The following ZNF280D variants were observed in gnomAD, a reference collection of about 807,000 sequenced individuals.
ZNF280D encodes the protein suppressor of hairy wing homolog 4.
ZNF280D carries 39 observed loss-of-function variants against 94.7 expected under a neutral mutation model. The observed-to-expected ratio is 0.41, with a 90% CI of 0.32 to 0.54. The LOEUF is 0.54. Among genes scored for constraint, ZNF280D ranks in the 20% least tolerant of loss-of-function variants. ZNF280D has a pLI of 0.22. For synonymous variants in ZNF280D, 398 were observed against 377.6 expected (o/e 1.05, Z -0.63); for missense variants, 1,090 against 1,149.3 (o/e 0.95, Z 0.75).
At position 56,678,659 on chromosome 15, in the gene ZNF280D, C is replaced by A; in HGVS notation, c.1162+5G>T. 6.3e-7 allele frequency: 1 copy of A among 1,574,912 alleles called. No homozygotes were observed. Among genetic ancestry groups the A allele is most frequent in the Non-Finnish European group, 8.6e-7 (1 of 1,160,770 alleles). ...ATGGAATATTTAAATGTATTGGTAACTTACTAGAAAATTCATGGGGCGTAT... is the reference window on the plus strand; with the variant it reads ...ATGGAATATTTAAATGTATTGGTAAATTACTAGAAAATTCATGGGGCGTAT... On this transcript the variant is annotated splice_donor_5th_base_variant and intron_variant, in intron 11 of 21. Transcript: ENST00000267807.
intron 1 of ZNF280D, among the ~76,000 whole-genome samples, chr15:56,728,283 G>C (rs1036636955): frequency 6.6e-6 from 1 of 152,096 alleles, no homozygotes; most frequent in Non-Finnish European, 1.5e-5. Context: ...GCCTCCCAAA[G>C]TGCTGGGATT....
In ZNF280D at chr15:56,710,097, T is replaced by C. The variant is rs181481352; in HGVS notation, c.-85-2791A>G. Among the ~76,000 whole-genome samples the C allele has an allele frequency of 3.3e-5, 5 of 152,356 alleles. No individual in the cohort carries two copies. The East Asian group carries it at 9.6e-4, about 29-fold the overall frequency. ...GACATCAAAGGCCTCAGCTCAGAGT[T>C]GGCTCTTTAAGACAGCCCGAAAAGG... On this transcript the variant is annotated intron_variant, in intron 1 of 21. Coordinates refer to ENST00000267807, the MANE Select transcript of ZNF280D (RefSeq NM_017661.4).
intron 19 of ZNF280D, chr15:56,653,920 G>T (rs2053363938): frequency 7.7e-7 from 1 of 1,291,230 alleles, no homozygotes; most frequent in African/African-American, 1.5e-5. Context: ...AAGCTGAAAA[G>T]AGCTGAATAA....
chr15:56,714,338 T>G (rs1354573351), intron 1 of ZNF280D, among the ~76,000 whole-genome samples: 3 of 152,166 alleles, frequency 2.0e-5, no homozygotes, highest in Non-Finnish European at 2.9e-5. Flanking sequence ...TTCTGAAAGA[T>G]TCTAATTTTT....
At chr15:56,668,017 G>A (rs1014865249) in intron 14 of ZNF280D, 10 of 381,672 alleles carry the variant, frequency 2.6e-5, no homozygotes, top group Non-Finnish European at 5.1e-5. Context: ...TGCATGTCTA[G>A]TCCCAACATG....
At chr15:56,688,921 ATT>A (rs1227095821) in intron 9 of ZNF280D, 118 bp downstream of exon 9, 1 of 577,318 alleles carries the variant, frequency 1.7e-6, no homozygotes, top group Non-Finnish European at 2.9e-6. Context: ...GTAAATTTTT[ATT>A]TAAATTAAAT....
chr15:56,693,141 T>C lies in ZNF280D; in HGVS notation c.456A>G (p.Thr152=). 6.2e-7 allele frequency: 1 copy of C among 1,607,180 alleles called. No homozygotes were observed. The highest frequency in any genetic ancestry group is 1.1e-5 in the South Asian group (1 of 89,264). The part of the protein sequence containing the change: ...SELLFDLTQD[T]GLSHYQGGPT... Reference sequence around the variant, plus strand: ...GTCCCCCTTGGTAATGTGATAATCCTGTATCCTGGGTCAAGTCAAACAGTA... The same window carrying C: ...GTCCCCCTTGGTAATGTGATAATCCCGTATCCTGGGTCAAGTCAAACAGTA... Residue 152 remains threonine, a synonymous_variant, in exon 7 of 22, where the codon ACA becomes ACG. Transcript: ENST00000267807.
chr15:56,728,008 G>T (rs1217466207), intron 1 of ZNF280D, among the ~76,000 whole-genome samples: 2 of 151,844 alleles, frequency 1.3e-5, no homozygotes. Context: ...TCCTTTACAA[G>T]TGTGTGCTAA....
chr15:56,687,344 T>C (rs1242925028), intron 9 of ZNF280D, among the ~76,000 whole-genome samples: 2 of 152,120 alleles, frequency 1.3e-5, no homozygotes, highest in African/African-American at 4.8e-5. Context: ...TTACAAACCA[T>C]GAAGTAACAC....
chr15:56,712,770 T>C (rs1199523789), intron 1 of ZNF280D, among the ~76,000 whole-genome samples: 41 of 145,012 alleles, frequency 2.8e-4, no homozygotes, highest in Non-Finnish European at 6.0e-5. Flanking sequence ...AGGTGGAGTC[T>C]TGCTCTGTTG....
At chr15:56,702,913 ACAC>A (rs1567008228) in intron 4 of ZNF280D, among the ~76,000 whole-genome samples, 29 of 1,898 alleles carry the variant, frequency 0.015, no homozygotes, top group Non-Finnish European at 0.11. Flanking sequence ...GTAAGTAAAC[ACAC>A]ACACACACAC....
Position 56,676,692 on chromosome 15 carries a change from A to G in ZNF280D, c.1388T>C (p.Met463Thr). 1 of 1,612,314 alleles carries G rather than the reference A, an allele frequency of 6.2e-7. No homozygotes were observed. Among genetic ancestry groups the G allele is most frequent in the Non-Finnish European group, 8.5e-7 (1 of 1,179,010 alleles). ...LKVIKIATPY[M>T]HHYMKHQKKG... is the part of the protein sequence containing the mutation. ...CACCTGATGCTTCATATAATGATGCATATATGGTGTTGCAATTTTAATAAC... is the reference window on the plus strand; with the variant it reads ...CACCTGATGCTTCATATAATGATGCGTATATGGTGTTGCAATTTTAATAAC... The change falls in exon 13 of 22, where the codon ATG becomes ACG. Residue 463 changes from methionine (M) to threonine (T), a missense_variant. By Grantham distance (81) the Met-to-Thr change is moderately conservative. Coordinates refer to ENST00000267807, the MANE Select transcript of ZNF280D (RefSeq NM_017661.4).
chr15:56,709,061 G>C (rs1449943821), intron 1 of ZNF280D, among the ~76,000 whole-genome samples: 1 of 152,078 alleles, frequency 6.6e-6, no homozygotes, highest in East Asian at 1.9e-4. Context: ...TACCATCAGA[G>C]TGAACAGGCA....
At chr15:56,713,935 A>C (rs1437945137) in intron 1 of ZNF280D, among the ~76,000 whole-genome samples, 2 of 152,186 alleles carry the variant, frequency 1.3e-5, no homozygotes, top group East Asian at 3.8e-4. Context: ...AGAAAATGTA[A>C]ATCATAAGCG....
intron 1 of ZNF280D, among the ~76,000 whole-genome samples, chr15:56,731,723 C>A (rs2058900994): frequency 6.6e-6 from 1 of 152,042 alleles, no homozygotes; most frequent in Admixed American, 6.6e-5. Flanking sequence ...CCGTAATGCA[C>A]TTTGAAACGT....
chr15:56,692,488 C>G (rs1366576395), intron 7 of ZNF280D, among the ~76,000 whole-genome samples: 1 of 152,004 alleles, frequency 6.6e-6, no homozygotes, highest in African/African-American at 2.4e-5. Flanking sequence ...TTATAGTACA[C>G]TAATTTATTT....
chr15:56,731,148 G>C (rs1393529064), intron 1 of ZNF280D, among the ~76,000 whole-genome samples: 1 of 152,064 alleles, frequency 6.6e-6, no homozygotes, highest in African/African-American at 2.4e-5. Flanking sequence ...CTATCAGGAG[G>C]AACTATCACT....
chr15:56,656,817 C>T (rs1355922869), intron 17 of ZNF280D, among the ~76,000 whole-genome samples: 2 of 151,988 alleles, frequency 1.3e-5, no homozygotes, highest in Non-Finnish European at 1.5e-5. Context: ...GTTAGATGAT[C>T]TAGAGAAAAG....
At chr15:56,732,037 CTGAG>C (rs879803848) in intron 1 of ZNF280D, among the ~76,000 whole-genome samples, 2 of 152,166 alleles carry the variant, frequency 1.3e-5, no homozygotes, top group African/African-American at 4.8e-5. Context: ...GAAAGGGCAA[CTGAG>C]TAATGTTTCT....
Sources: gnomAD v4.1 joint callset for allele counts (sites outside exome capture counted in the v4.1 genomes callset) on GRCh38, gnomAD v4.1.1 for gene constraint, MANE v1.5 for transcripts, NCBI Gene and HGNC (gene_info 2026-07-23, HGNC 2026-07-21) for gene names.